The following ZNF594 variants were observed in gnomAD, a reference collection of about 807,000 sequenced individuals.
ZNF594 encodes zinc finger protein HZF18.
For synonymous variants in ZNF594, 336 were observed against 309.4 expected (o/e 1.09, Z -0.90); for missense variants, 1,037 against 964.6 (o/e 1.08, Z -0.99).
Position 5,180,769 on chromosome 17 carries a change from C to G in ZNF594, c.*1064G>C, listed in dbSNP as rs2074333466. 3.1e-6 allele frequency: 1 copy of G among 318,634 alleles called. No individual in the cohort carries two copies. The highest frequency in any genetic ancestry group is 6.1e-6 in the Non-Finnish European group (1 of 164,808). 19.7% of individuals were successfully genotyped at this position (318,634 alleles called of 1,614,324 possible). ...AAAAAAAGGTGATTATGTCCAAGAG[C>G]TTTTGGCTTTTCCACTTGATTATAC... On this transcript the variant is annotated 3_prime_UTR_variant, in exon 2 of 2. Coordinates refer to ENST00000575779, the MANE Select transcript of ZNF594 (RefSeq NM_032530.2).
At position 5,183,664 on chromosome 17, in the gene ZNF594, A is replaced by G; in HGVS notation, c.593T>C (p.Leu198Pro). 1 of 1,614,216 alleles carries G rather than the reference A, an allele frequency of 6.2e-7. No individual in the cohort carries two copies. The highest frequency in any genetic ancestry group is 2.2e-5 in the East Asian group (1 of 44,878). ...ACTGTGAATTTGCTTATGTCTCACC[A>G]GATTGGAGCTCTGATTGAAGTCTTT... Reference protein sequence around the residue: ...CGKDFNQSSNLVRHKQIHSGG... With the variant: ...CGKDFNQSSNPVRHKQIHSGG... Residue 198 changes from leucine to proline, a missense_variant, in exon 2 of 2, where the codon CTG (leucine) becomes CCG (proline). Coordinates refer to ENST00000575779, the MANE Select transcript of ZNF594 (RefSeq NM_032530.2).
rs1285320784 is a variant in ZNF594, at chr17:5,191,865, C to T, written c.-138G>A. ...CGCGCCTGGGCCAGGCGAGAACTTC[C>T]GGTGCGCTCCCCGGGACTGCGGTCC... On this transcript the variant is annotated 5_prime_UTR_variant, in exon 1 of 2. Transcript: ENST00000575779. 6.6e-6 allele frequency: 1 copy of T among 152,318 alleles called. No homozygotes were observed. Among genetic ancestry groups the T allele is most frequent in the Non-Finnish European group, 1.5e-5 (1 of 68,124 alleles). 9.4% of individuals were successfully genotyped at this position (152,318 alleles called of 1,614,324 possible).
downstream of ZNF594, among the ~76,000 whole-genome samples, chr17:5,176,327 A>G (rs1181124918): frequency 6.7e-6 from 1 of 150,070 alleles, no homozygotes; most frequent in African/African-American, 2.5e-5. Flanking sequence ...CCCGGGAGGC[A>G]GAGGTTGCAG....
In ZNF594 at chr17:5,182,332, T is replaced by A; in HGVS notation, c.1925A>T (p.His642Leu). 3.7e-6 allele frequency: 6 copies of A among 1,613,548 alleles called. No individual in the cohort carries two copies. Among genetic ancestry groups the A allele is most frequent in the Non-Finnish European group, 5.1e-6 (6 of 1,179,984 alleles). The change falls in exon 2 of 2, where the codon CAC becomes CTC. Residue 642 changes from histidine to leucine, a missense_variant. Transcript: ENST00000575779. Reference protein sequence around the residue: ...SFRGSSDLIKHHRIHTGEKPY... With the variant: ...SFRGSSDLIKLHRIHTGEKPY... ...TTTCTCTCCAGTATGAATACGATGGTGTTTAATAAGATCTGAGCTACCCCT... is the reference window on the plus strand; with the variant it reads ...TTTCTCTCCAGTATGAATACGATGGAGTTTAATAAGATCTGAGCTACCCCT...
intron 1 of ZNF594, chr17:5,191,285 G>A (rs1567829926): frequency 6.6e-6 from 1 of 152,132 alleles, no homozygotes; most frequent in Non-Finnish European, 1.5e-5. Flanking sequence ...TCCCTCCCTT[G>A]TTTGAACTCT....
Position 5,183,293 on chromosome 17 carries a change from G to C in ZNF594, c.964C>G (p.Pro322Ala). 1 of 1,614,096 alleles carries C rather than the reference G, an allele frequency of 6.2e-7. No individual in the cohort carries two copies. ...EHQRLHSGEK[P>A]YECHRCGKTF... ...TTCCCACATCTGTGACATTCATAGG[G>C]TTTCTCTCCACTGTGGAGTCTCTGG... Residue 322 changes from proline (P) to alanine (A), a missense_variant, in exon 2 of 2, where the codon CCC becomes GCC. Physicochemically the swap from Pro to Ala is conservative, Grantham distance 27. Transcript: ENST00000575779.
chr17:5,185,886 T>C (rs1235282955), intron 1 of ZNF594, among the ~76,000 whole-genome samples: 1 of 152,202 alleles, frequency 6.6e-6, no homozygotes, highest in Non-Finnish European at 1.5e-5. Flanking sequence ...ATCCAGGTCA[T>C]GCTGATGCAA....
Position 5,182,612 on chromosome 17 carries a change from A to C in ZNF594, c.1645T>G (p.Phe549Val). 3 of 1,613,422 alleles carry C rather than the reference A, an allele frequency of 1.9e-6. No individual in the cohort carries two copies. Among genetic ancestry groups the C allele is most frequent in the Non-Finnish European group, 2.5e-6 (3 of 1,179,672 alleles). ...TGEKLECEKTFSQDEELRGEQ... is the reference protein window; with the variant it reads ...TGEKLECEKTVSQDEELRGEQ... The stretch of plus-strand genomic sequence containing the variant: ...CCCCTAAGCTCCTCATCCTGGCTGA[A>C]GGTTTTCTCACATTCAAGTTTCTCT... Residue 549 changes from phenylalanine to valine, a missense_variant, in exon 2 of 2, where the codon TTC (phenylalanine) becomes GTC (valine). Physicochemically the swap from Phe to Val is conservative, Grantham distance 50. Transcript: ENST00000575779.
At chr17:5,189,504 G>A (rs1316197972) in intron 1 of ZNF594, among the ~76,000 whole-genome samples, 3 of 150,370 alleles carry the variant, frequency 2.0e-5, no homozygotes, top group African/African-American at 7.4e-5. Flanking sequence ...CTCCCAAAGT[G>A]CTAGCATTAC....
chr17:5,184,050 C>T lies in ZNF594; in HGVS notation c.207G>A (p.Met69Ile), dbSNP rs2074370064. 1 of 1,614,138 alleles carries T rather than the reference C, an allele frequency of 6.2e-7. No homozygotes were observed. The change falls in exon 2 of 2, where the codon ATG becomes ATA. Residue 69 changes from methionine to isoleucine, a missense_variant. Physicochemically the swap from Met to Ile is conservative, Grantham distance 10. Coordinates refer to ENST00000575779, the MANE Select transcript of ZNF594 (RefSeq NM_032530.2). ...CAATGGCTTTCTGGGGGATAATATG[C>T]ATTTCCCTGATACCGCTCTCTTGGG... ...LPSQESGIRE[M>I]HIIPQKAIVG...
In ZNF594 at chr17:5,183,340, T is replaced by C; in HGVS notation, c.917A>G (p.Gln306Arg). The change falls in exon 2 of 2, where the codon CAG (glutamine) becomes CGG (arginine). Residue 306 changes from glutamine to arginine, a missense_variant. Transcript: ENST00000575779. Reference protein sequence around the residue: ...KCNECEKAFRQHSHLTEHQRL... With the variant: ...KCNECEKAFRRHSHLTEHQRL... ...CTGGTGTTCAGTAAGGTGAGAATGC[T>C]GCCTGAAGGCTTTTTCACATTCATT... is the stretch of plus-strand genomic sequence containing the variant. 1 of 1,613,912 alleles carries C rather than the reference T, an allele frequency of 6.2e-7. No individual in the cohort carries two copies. Among genetic ancestry groups the C allele is most frequent in the South Asian group, 1.1e-5 (1 of 91,080 alleles).
chr17:5,177,596 T>C (rs1018939378), downstream of ZNF594, among the ~76,000 whole-genome samples: 1 of 151,836 alleles, frequency 6.6e-6, no homozygotes, highest in Non-Finnish European at 1.5e-5. Context: ...ACTAGCACTT[T>C]GGGAGGCTGA....
Position 5,182,441 on chromosome 17 carries a change from T to C in ZNF594, c.1816A>G (p.Asn606Asp), listed in dbSNP as rs752254957. 6.2e-7 allele frequency: 1 copy of C among 1,613,752 alleles called. No homozygotes were observed. The highest frequency in any genetic ancestry group is 1.1e-5 in the South Asian group (1 of 91,076). Residue 606 changes from asparagine (N) to aspartate (D), a missense_variant, in exon 2 of 2, where the codon AAT (asparagine) becomes GAT (aspartate). Physicochemically the swap from Asn to Asp is conservative, Grantham distance 23 (BLOSUM62 1). Coordinates refer to ENST00000575779, the MANE Select transcript of ZNF594 (RefSeq NM_032530.2). ...YECKECGKTF[N>D]QSSDLLRHHR... ...TGTCTCAGAAGGTCTGAGCTCTGAT[T>C]GAAAGTTTTCCCACATTCTTTGCAT... is the stretch of plus-strand genomic sequence containing the variant.
intron 1 of ZNF594, among the ~76,000 whole-genome samples, chr17:5,189,163 C>T (rs1364829903): frequency 1.3e-5 from 2 of 151,302 alleles, no homozygotes; most frequent in Non-Finnish European, 2.9e-5. Context: ...CCAGGCTGGT[C>T]TTGAACTCCT....
chr17:5,175,050 C>A (rs1243560231), downstream of ZNF594: 1 of 176,924 alleles, frequency 5.7e-6, no homozygotes. Context: ...GCCTCCCTCT[C>A]TGTGATCCTG....
Position 5,183,278 on chromosome 17 carries a change from T to A in ZNF594, c.979A>T (p.Arg327Ter). The A allele has an allele frequency of 6.2e-7, 1 of 1,614,110 alleles. No homozygotes were observed. The highest frequency in any genetic ancestry group is 8.5e-7 in the Non-Finnish European group (1 of 1,180,010). Residue 327 changes from arginine (R) to a stop codon, truncating the protein, a stop_gained, in exon 2 of 2, where the codon AGA (arginine) becomes TGA (stop). Coordinates refer to ENST00000575779, the MANE Select transcript of ZNF594 (RefSeq NM_032530.2). LOFTEE classifies it low-confidence loss of function (END_TRUNC). ...CGCCCACTGAAGGTCTTCCCACATC[T>A]GTGACATTCATAGGGTTTCTCTCCA... ...HSGEKPYECH[R>*]CGKTFSGRTA...
rs1398044576 is a variant in ZNF594 at position 5,182,261 on chromosome 17, G to T, written c.1996C>A (p.His666Asn). 6.2e-7 allele frequency: 1 copy of T among 1,613,516 alleles called. No homozygotes were observed. The highest frequency in any genetic ancestry group is 2.2e-5 in the East Asian group (1 of 44,840). The change falls in exon 2 of 2, where the codon CAC becomes AAC. Residue 666 changes from histidine (H) to asparagine (N), a missense_variant. His to Asn is a moderately conservative substitution (Grantham distance 68). Transcript: ENST00000575779. ...ECGKAFSQRS[H>N]LATHQKIHTG... is the part of the protein sequence containing the mutation. ...TGGATTTTCTGGTGTGTAGCAAGGT[G>T]TGACCTCTGGCTGAAGGCTTTCCCA...
chr17:5,185,655 A>G (rs987128068), intron 1 of ZNF594, among the ~76,000 whole-genome samples: 1 of 152,210 alleles, frequency 6.6e-6, no homozygotes, highest in African/African-American at 2.4e-5. Context: ...CTCAACAGAA[A>G]CAAGGCAAGT....
In ZNF594 at chr17:5,184,488, G is replaced by A. The variant is rs933511557; in HGVS notation, c.-20-212C>T. Reference sequence around the variant, plus strand: ...GAAAAAACCCGCCAGGGTGCAGGCTGGAGCTGGGCTGTGGGAGTGGCCTAA... The same window carrying A: ...GAAAAAACCCGCCAGGGTGCAGGCTAGAGCTGGGCTGTGGGAGTGGCCTAA... On this transcript the variant is annotated intron_variant, in intron 1 of 1. Coordinates refer to ENST00000575779, the MANE Select transcript of ZNF594 (RefSeq NM_032530.2). 1.7e-5 allele frequency: 9 copies of A among 530,050 alleles called. No homozygotes were observed. In the African/African-American group the frequency reaches 1.7e-4, roughly 10 times the overall value. 32.8% of individuals were successfully genotyped at this position (530,050 alleles called of 1,614,324 possible). A position where few individuals can be genotyped will look rare whatever the true frequency, so the allele number is the denominator to read the frequency against.
Sources: gnomAD v4.1 joint callset for allele counts (sites outside exome capture counted in the v4.1 genomes callset) on GRCh38, gnomAD v4.1.1 for gene constraint, MANE v1.5 for transcripts, NCBI Gene and HGNC (gene_info 2026-07-23, HGNC 2026-07-21) for gene names.